Variants in VSTM4 observed in about 807,000 individuals in gnomAD.
VSTM4 encodes V-set and transmembrane domain containing 4.
A neutral mutation model predicts 36.4 loss-of-function variants in VSTM4; 20 were observed. That is an observed-to-expected ratio of 0.55 (90% CI 0.39 to 0.80). The LOEUF (loss-of-function observed/expected upper bound fraction) is 0.80. VSTM4 is among the 30% of genes least tolerant of loss of function. The pLI is 0.00. For missense variants in VSTM4, 392 were observed against 404.5 expected, an observed-to-expected ratio of 0.97 and a Z score of 0.26; for synonymous variants, 182 against 173.9, an observed-to-expected ratio of 1.05 and a Z score of -0.37.
intron 1 of VSTM4, 77 bp downstream of exon 1, chr10:49,115,354 G>A: frequency 1.1e-6 from 1 of 949,020 alleles, no homozygotes; most frequent in Non-Finnish European, 1.3e-6. Context: ...TCCCCACCAG[G>A]CCCGGAGCCC....
chr10:49,077,363 G>A lies in VSTM4; in HGVS notation c.527-37C>T. On this transcript the variant is annotated intron_variant, in intron 3 of 7. Coordinates refer to ENST00000332853, the MANE Select transcript of VSTM4 (RefSeq NM_001031746.5). ...GGACAGACACGTGAGTCAGCCTTCT[G>A]GGGGCCGCAGCAGAAGTGCGCTGGC... The A allele has an allele frequency of 4.4e-6, 7 of 1,597,406 alleles. No individual in the cohort carries two copies. The South Asian group carries it at 7.7e-5, about 18-fold the overall frequency.
At chr10:49,066,223 T>A (rs1843971363) in intron 4 of VSTM4, among the ~76,000 whole-genome samples, 1 of 152,022 alleles carries the variant, frequency 6.6e-6, no homozygotes, top group Admixed American at 6.5e-5. Context: ...TTTCTATTCA[T>A]AAAATCAAAG....
At chr10:49,099,808 C>T (rs1294169257) in intron 2 of VSTM4, among the ~76,000 whole-genome samples, 3 of 152,134 alleles carry the variant, frequency 2.0e-5, no homozygotes, top group Non-Finnish European at 4.4e-5. Context: ...AGATTCTGTC[C>T]CTTTCATTCT....
intron 2 of VSTM4, 103 bp downstream of exon 2, chr10:49,107,491 A>T: frequency 7.1e-7 from 1 of 1,410,840 alleles, no homozygotes; most frequent in Non-Finnish European, 9.5e-7. Flanking sequence ...GATATGTTCT[A>T]GTGCAACACA....
chr10:49,071,758 T>C (rs1844083789), intron 4 of VSTM4, among the ~76,000 whole-genome samples: 1 of 152,206 alleles, frequency 6.6e-6, no homozygotes, highest in Admixed American at 6.5e-5. Context: ...GGTGCCGGGC[T>C]CAGCTCTCCT....
chr10:49,030,312 T>C (rs1207509021), intron 7 of VSTM4, among the ~76,000 whole-genome samples: 1 of 152,142 alleles, frequency 6.6e-6, no homozygotes, highest in Non-Finnish European at 1.5e-5. Flanking sequence ...CCAGTTGCAC[T>C]CCCAAATCCA....
rs575077582 is a variant in VSTM4, at chr10:49,049,466, A to G, written c.669-882T>C. 3.9e-5 allele frequency among the ~76,000 whole-genome samples: 6 copies of G among 152,338 alleles called. No individual in the cohort carries two copies. The South Asian group carries it at 8.3e-4, about 21-fold the overall frequency. ...CGCAAACTTTCTTGAATGACCATTC[A>G]TCTTCTTGCAAATGCTTCCTATTCG... On this transcript the variant is annotated intron_variant, in intron 5 of 7. Transcript: ENST00000332853.
At chr10:49,077,769 G>A (rs1383453366) in intron 3 of VSTM4, among the ~76,000 whole-genome samples, 1 of 152,114 alleles carries the variant, frequency 6.6e-6, no homozygotes, top group Non-Finnish European at 1.5e-5. Context: ...TCTTAGACTT[G>A]ACACAAGAGG....
At chr10:49,084,678 C>T (rs919910218) in intron 3 of VSTM4, among the ~76,000 whole-genome samples, 1 of 152,222 alleles carries the variant, frequency 6.6e-6, no homozygotes, top group Admixed American at 6.5e-5. Context: ...GTACCATCAC[C>T]AGACATAATC....
intron 3 of VSTM4, among the ~76,000 whole-genome samples, chr10:49,082,133 C>A (rs991618407): frequency 6.6e-6 from 1 of 152,208 alleles, no homozygotes; most frequent in East Asian, 1.9e-4. Flanking sequence ...AAAGCCCTGC[C>A]GCACTCAGTT....
intron 7 of VSTM4, among the ~76,000 whole-genome samples, chr10:49,022,423 A>T (rs1245973975): frequency 6.6e-6 from 1 of 152,128 alleles, no homozygotes; most frequent in Non-Finnish European, 1.5e-5. Context: ...TTTTCTTTTG[A>T]GATGATGCAC....
chr10:49,031,108 C>T (rs1843339663), intron 7 of VSTM4, among the ~76,000 whole-genome samples: 3 of 152,208 alleles, frequency 2.0e-5, no homozygotes, highest in African/African-American at 7.2e-5. Flanking sequence ...TGGTTATCTA[C>T]TTCAACATAG....
chr10:49,031,000 G>T (rs1295993107), intron 7 of VSTM4, among the ~76,000 whole-genome samples: 1 of 152,188 alleles, frequency 6.6e-6, no homozygotes, highest in African/African-American at 2.4e-5. Context: ...CCTCTCCCCT[G>T]TGGTCCATAG....
At chr10:49,077,597 T>G (rs545414987) in intron 3 of VSTM4, among the ~76,000 whole-genome samples, 88 of 152,302 alleles carry the variant, frequency 5.8e-4, no homozygotes, top group African/African-American at 1.9e-3. Context: ...TGGTGCTGGG[T>G]CAATGGGACT....
chr10:49,086,592 T>A (rs1299050376), intron 2 of VSTM4, among the ~76,000 whole-genome samples: 2 of 152,232 alleles, frequency 1.3e-5, no homozygotes, highest in African/African-American at 4.8e-5. Context: ...TTACACTGTG[T>A]GAAACTTTGA....
chr10:49,115,367 G>T, intron 1 of VSTM4, 64 bp downstream of exon 1: 1 of 976,766 alleles, frequency 1.0e-6, no homozygotes, highest in Non-Finnish European at 1.2e-6. Flanking sequence ...CGGAGCCCCG[G>T]CCTCCCCGGC....
chr10:49,099,205 C>T (rs1171757929), intron 2 of VSTM4, among the ~76,000 whole-genome samples: 1 of 152,220 alleles, frequency 6.6e-6, no homozygotes, highest in Admixed American at 6.5e-5. Context: ...GGAAACAACA[C>T]CAGCTGTTGA....
intron 3 of VSTM4, among the ~76,000 whole-genome samples, chr10:49,082,042 CAGTT>C (rs1219429960): frequency 6.6e-6 from 1 of 152,182 alleles, no homozygotes. Context: ...CTGCAAACAA[CAGTT>C]AAACTCTGAG....
intron 2 of VSTM4, chr10:49,102,766 T>C: frequency 1.0e-6 from 1 of 985,346 alleles, no homozygotes; most frequent in Non-Finnish European, 1.2e-6. Flanking sequence ...CAAAGAACAT[T>C]TTATTCATTC....
Sources: allele counts gnomAD v4.1 joint callset (sites outside exome capture counted in the v4.1 genomes callset), GRCh38; gene constraint gnomAD v4.1.1; transcripts MANE v1.5; gene names NCBI Gene and HGNC (gene_info 2026-07-23, HGNC 2026-07-21).